ITGAE: variants seen among roughly 807,000 people sequenced by gnomAD.
ITGAE encodes integrin alpha-E.
Under a neutral mutation model 136.5 loss-of-function variants are expected in ITGAE, and 99 were observed. That is an observed-to-expected ratio of 0.73 (90% CI 0.62 to 0.86). The LOEUF is 0.86. Among genes scored for constraint, ITGAE ranks in the 40% least tolerant of loss-of-function variants. ITGAE has a pLI of 0.00. For missense variants in ITGAE, 1,447 were observed against 1,515.3 expected (o/e 0.95, Z 0.75); for synonymous variants, 613 against 591.8 (o/e 1.04, Z -0.52).
chr17:3,729,054 A>AG (rs1403153428), intron 24 of ITGAE, among the ~76,000 whole-genome samples: 1 of 143,176 alleles, frequency 7.0e-6, no homozygotes, highest in East Asian at 1.9e-4. Flanking sequence ...AAAAAAAAAA[A>AG]AAGGAATAAA....
At chr17:3,724,347 T>G in intron 26 of ITGAE, 1 of 1,596,790 alleles carries the variant, frequency 6.3e-7, no homozygotes, top group South Asian at 1.1e-5. Flanking sequence ...ACTTCCGCCC[T>G]TCCCCAGCCG....
chr17:3,750,104 C>T (rs1031231268), intron 16 of ITGAE, among the ~76,000 whole-genome samples: 49 of 152,208 alleles, frequency 3.2e-4, no homozygotes, highest in African/African-American at 1.2e-3. Context: ...CTTGCATGAT[C>T]CTCATAGCTC....
chr17:3,761,281 A>C (rs1597343336), intron 5 of ITGAE, 104 bp from the exon 6 acceptor site: 1 of 1,549,812 alleles, frequency 6.5e-7, no homozygotes, highest in East Asian at 2.3e-5. Context: ...TGATGCCTCA[A>C]CCCTGCCTTG....
intron 17 of ITGAE, 66 bp downstream of exon 17, chr17:3,747,856 C>T: frequency 1.4e-6 from 1 of 699,442 alleles, no homozygotes; most frequent in Non-Finnish European, 2.2e-6. Flanking sequence ...CTTTCCCTGC[C>T]CCTTACAGAA....
intron 19 of ITGAE, among the ~76,000 whole-genome samples, chr17:3,741,451 A>G (rs1188488300): frequency 3.3e-5 from 5 of 152,066 alleles, no homozygotes; most frequent in African/African-American, 1.2e-4. Context: ...GTGAAAGAGA[A>G]TGGGGTTAAG....
chr17:3,762,630 C>T (rs1257062442), intron 3 of ITGAE, among the ~76,000 whole-genome samples: 1 of 124,480 alleles, frequency 8.0e-6, no homozygotes, highest in Non-Finnish European at 1.6e-5. Flanking sequence ...CAGAGTCTTG[C>T]TCTGTCGCCC....
intron 29 of ITGAE, 174 bp from the exon 30 acceptor site, chr17:3,716,972 T>C: frequency 1.8e-6 from 1 of 556,850 alleles, no homozygotes; most frequent in South Asian, 2.1e-5. Context: ...TTTTAGATCA[T>C]CTAAAACTAT....
At chr17:3,726,096 A>G (rs748958398) in intron 26 of ITGAE, 1 of 1,614,190 alleles carries the variant, frequency 6.2e-7, no homozygotes, top group Non-Finnish European at 8.5e-7. Context: ...CCAGTTTGAC[A>G]TCTACAGGCT....
chr17:3,774,901 C>T (rs1041311495), intron 2 of ITGAE, among the ~76,000 whole-genome samples: 2 of 152,146 alleles, frequency 1.3e-5, no homozygotes, highest in Non-Finnish European at 2.9e-5. Flanking sequence ...CATCAGCACG[C>T]GGCCACCATC....
intron 2 of ITGAE, among the ~76,000 whole-genome samples, chr17:3,775,658 G>A (rs1367620025): frequency 3.3e-5 from 5 of 151,244 alleles, no homozygotes; most frequent in Admixed American, 6.6e-5. Context: ...TAGTGGAGAC[G>A]GGGTTTCGCC....
At chr17:3,732,262 T>C in intron 22 of ITGAE, 106 bp downstream of exon 22, 1 of 868,996 alleles carries the variant, frequency 1.2e-6, no homozygotes, top group Non-Finnish European at 1.9e-6. Flanking sequence ...CACACTGCAG[T>C]CAAGCGAAGC....
intron 17 of ITGAE, 44 bp downstream of exon 17, chr17:3,747,878 A>G: frequency 7.5e-7 from 1 of 1,336,108 alleles, no homozygotes; most frequent in Non-Finnish European, 1.0e-6. Context: ...CCAAAAAGGA[A>G]AGACCATCAC....
At chr17:3,717,122 G>A (rs746272968) in intron 29 of ITGAE, 3 of 264,534 alleles carry the variant, frequency 1.1e-5, no homozygotes, top group Non-Finnish European at 2.2e-5. Context: ...CTCAACACAG[G>A]ACTGTGAGGC....
At chr17:3,722,630 A>C (rs2051080304) in intron 28 of ITGAE, 1 of 153,056 alleles carries the variant, frequency 6.5e-6, no homozygotes, top group Admixed American at 6.5e-5. Flanking sequence ...GCGAGCTAGA[A>C]GAATAGGACA....
At chr17:3,745,222 A>G (rs1597324609) in intron 18 of ITGAE, among the ~76,000 whole-genome samples, 2 of 152,122 alleles carry the variant, frequency 1.3e-5, no homozygotes, top group Admixed American at 6.5e-5. Flanking sequence ...GGTCCTAGTT[A>G]TTATCAGGTG....
At chr17:3,788,206 T>C (rs181315598) in intron 1 of ITGAE, among the ~76,000 whole-genome samples, 56 of 152,124 alleles carry the variant, frequency 3.7e-4, no homozygotes, top group African/African-American at 1.3e-3. Flanking sequence ...TACTTTTTTT[T>C]TTTTTTGATA....
At chr17:3,794,483 T>G (rs2053015546) in intron 1 of ITGAE, among the ~76,000 whole-genome samples, 1 of 152,140 alleles carries the variant, frequency 6.6e-6, no homozygotes, top group African/African-American at 2.4e-5. Context: ...GGGCACACAC[T>G]GCATCTGCCT....
intron 24 of ITGAE, 105 bp downstream of exon 24, chr17:3,729,373 G>A: frequency 1.3e-6 from 1 of 785,816 alleles, no homozygotes. Context: ...CAGAAGGACA[G>A]TGTCCACATT....
At chr17:3,740,973 T>G (rs1176136855) in intron 19 of ITGAE, among the ~76,000 whole-genome samples, 2 of 152,168 alleles carry the variant, frequency 1.3e-5, no homozygotes, top group Middle Eastern at 3.4e-3. Context: ...GAAAGGGAAC[T>G]TTCTACTTCC....
Sources: allele counts gnomAD v4.1 joint callset (sites outside exome capture counted in the v4.1 genomes callset), GRCh38; gene constraint gnomAD v4.1.1; transcripts MANE v1.5; gene names NCBI Gene and HGNC (gene_info 2026-07-23, HGNC 2026-07-21).